WDR19: variants seen among roughly 807,000 people sequenced by gnomAD.
WDR19 encodes the protein WD repeat-containing protein 19.
WDR19 carries 121 observed loss-of-function variants against 180.0 expected under a neutral mutation model. The ratio of observed to expected loss-of-function variants is 0.67; its 90% CI spans 0.58 to 0.78. WDR19 has a LOEUF of 0.78. Ranked by LOEUF, WDR19 falls within the 30% of genes least tolerant of loss-of-function variation. WDR19 has a pLI of 0.00. For synonymous variants in WDR19, 497 were observed against 540.7 expected, an observed-to-expected ratio of 0.92 and a Z score of 1.12; for missense variants, 1,450 against 1,640.7, an observed-to-expected ratio of 0.88 and a Z score of 2.01.
Position 39,205,913 on chromosome 4 carries a change from A to G in WDR19, c.890+177A>G, listed in dbSNP as rs73133653. 4,297 of 618,250 alleles carry G rather than the reference A, an allele frequency of 7.0e-3. 148 individuals carry two copies. In the African/African-American group the frequency reaches 0.072, roughly 10 times the overall value. 38.3% of individuals were successfully genotyped at this position (618,250 alleles called of 1,614,324 possible). A position where few individuals can be genotyped will look rare whatever the true frequency, so the allele number is the denominator to read the frequency against. On this transcript the variant is annotated intron_variant, in intron 9 of 36. Transcript: ENST00000399820. ...AAAATATAAAACAAAGTATAGTTGA[A>G]AATCAATCTTAAAAATAAAATAGGT...
chr4:39,207,451 A>G, intron 9 of WDR19, among the ~76,000 whole-genome samples: 1 of 152,236 alleles, frequency 6.6e-6, no homozygotes, highest in Middle Eastern at 3.2e-3. Context: ...ATAAACCAGA[A>G]GAAATCTAGA....
chr4:39,269,382 G>T (rs746168654), intron 30 of WDR19, among the ~76,000 whole-genome samples: 15 of 152,182 alleles, frequency 9.9e-5, no homozygotes, highest in Non-Finnish European at 1.9e-4. Flanking sequence ...AGCATTCACA[G>T]TAGGCATGGG....
chr4:39,271,297 T>C (rs1735350357), intron 31 of WDR19, among the ~76,000 whole-genome samples: 1 of 152,262 alleles, frequency 6.6e-6, no homozygotes, highest in Non-Finnish European at 1.5e-5. Flanking sequence ...TAAATGCATG[T>C]TTTTTACCAA....
chr4:39,221,208 A>G (rs1307499246), intron 14 of WDR19, among the ~76,000 whole-genome samples: 1 of 152,160 alleles, frequency 6.6e-6, no homozygotes, highest in Non-Finnish European at 1.5e-5. Flanking sequence ...GTATGACACT[A>G]ATAGTTTATA....
chr4:39,237,116 A>G (rs1230824494), intron 20 of WDR19, among the ~76,000 whole-genome samples: 1 of 152,234 alleles, frequency 6.6e-6, no homozygotes, highest in Non-Finnish European at 1.5e-5. Context: ...ATGGAAAAAG[A>G]TTAGTCTTTA....
At chr4:39,226,130 T>C (rs1730225118) in intron 15 of WDR19, among the ~76,000 whole-genome samples, 1 of 143,300 alleles carries the variant, frequency 7.0e-6, no homozygotes, top group Non-Finnish European at 1.5e-5. Context: ...AGTTAGAAAC[T>C]GTGGCTTAGA....
chr4:39,285,157 T>C (rs1419297148), intron 36 of WDR19, among the ~76,000 whole-genome samples: 1 of 152,030 alleles, frequency 6.6e-6, no homozygotes, highest in African/African-American at 2.4e-5. Context: ...TTTAGACAAA[T>C]ATAACTGTTT....
chr4:39,192,464 T>TTTTGTTTG (rs958253963), intron 4 of WDR19, among the ~76,000 whole-genome samples: 1 of 151,800 alleles, frequency 6.6e-6, no homozygotes, highest in African/African-American at 2.4e-5. Context: ...CACAGTTGTT[T>TTTTGTTTG]TTTGTTTGTT....
At chr4:39,225,945 A>G (rs777824438) in intron 15 of WDR19, among the ~76,000 whole-genome samples, 1 of 152,148 alleles carries the variant, frequency 6.6e-6, no homozygotes, top group Non-Finnish European at 1.5e-5. Context: ...CTAATCTGCT[A>G]GTTCTTAGTC....
intron 5 of WDR19, among the ~76,000 whole-genome samples, chr4:39,198,997 CAAA>C (rs774671201): frequency 2.1e-4 from 18 of 87,434 alleles, no homozygotes; most frequent in Admixed American, 2.5e-4. Context: ...GACTCTGTCT[CAAA>C]AAAAAAAAAA....
At chr4:39,270,633 C>T (rs568424324) in intron 31 of WDR19, among the ~76,000 whole-genome samples, 1 of 152,306 alleles carries the variant, frequency 6.6e-6, no homozygotes, top group East Asian at 1.9e-4. Context: ...CCGCCTTGGC[C>T]TCCCAAAGTG....
intron 36 of WDR19, among the ~76,000 whole-genome samples, chr4:39,284,539 A>G (rs1736959900): frequency 6.9e-6 from 1 of 145,614 alleles, no homozygotes; most frequent in Admixed American, 7.2e-5. Context: ...GGGTCTCACT[A>G]TGTTGCCCAG....
chr4:39,211,987 T>C (rs866952003), intron 9 of WDR19, among the ~76,000 whole-genome samples: 1 of 116,822 alleles, frequency 8.6e-6, no homozygotes, highest in African/African-American at 3.3e-5. Flanking sequence ...GAGAGAGAGA[T>C]AGATAGATGT....
At chr4:39,207,160 C>A (rs1259363148) in intron 9 of WDR19, among the ~76,000 whole-genome samples, 1 of 151,974 alleles carries the variant, frequency 6.6e-6, no homozygotes, top group Non-Finnish European at 1.5e-5. Flanking sequence ...AAAGAAGAAC[C>A]AAATGGAAAT....
chr4:39,205,176 A>G lies in WDR19; in HGVS notation c.626A>G (p.Lys209Arg). The G allele has an allele frequency of 6.3e-7, 1 of 1,593,686 alleles. No homozygotes were observed. The highest frequency in any genetic ancestry group is 1.7e-4 in the Middle Eastern group (1 of 6,014). The part of the protein sequence containing the change: ...ESMISVVLGK[K>R]TLFFLNLNEP... ...CAGATAAGTGTGGTGCTTGGCAAGA[A>G]AACTTTGTTTTTTTTAAATCTGAAT... is the stretch of plus-strand genomic sequence containing the variant. Residue 209 changes from lysine to arginine, a missense_variant, in exon 8 of 37, where the codon AAA (lysine) becomes AGA (arginine). Lys to Arg is a conservative substitution (Grantham distance 26, BLOSUM62 2). Transcript: ENST00000399820.
At chr4:39,214,137 C>A (rs1728818706) in intron 9 of WDR19, among the ~76,000 whole-genome samples, 1 of 152,142 alleles carries the variant, frequency 6.6e-6, no homozygotes, top group African/African-American at 2.4e-5. Flanking sequence ...CAACCTGATC[C>A]TTCTGATCCA....
At position 39,232,285 on chromosome 4, in the gene WDR19, G is replaced by A; in HGVS notation, c.2253+13G>A. 1 of 1,579,956 alleles carries A rather than the reference G, an allele frequency of 6.3e-7. No homozygotes were observed. The highest frequency in any genetic ancestry group is 1.1e-5 in the South Asian group (1 of 87,156). ...TGCTGCCCTGGAGGTATGGCAGCAA[G>A]TAAGAATGGAAATTGTGTAAGAGGT... On this transcript the variant is annotated intron_variant, in intron 19 of 36. Transcript: ENST00000399820.
intron 5 of WDR19, among the ~76,000 whole-genome samples, chr4:39,197,204 G>A (rs1318080617): frequency 2.6e-5 from 4 of 152,124 alleles, no homozygotes; most frequent in East Asian, 1.9e-4. Flanking sequence ...CGAGGCAGGC[G>A]GGTCACTTGA....
chr4:39,186,677 A>G, intron 3 of WDR19, 73 bp downstream of exon 3: 13 of 1,027,820 alleles, frequency 1.3e-5, no homozygotes, highest in Non-Finnish European at 1.3e-5. Context: ...TACTGCCTTA[A>G]AATTATAATC....
Sources: gnomAD v4.1 joint callset for allele counts (sites outside exome capture counted in the v4.1 genomes callset) on GRCh38, gnomAD v4.1.1 for gene constraint, MANE v1.5 for transcripts, NCBI Gene and HGNC (gene_info 2026-07-23, HGNC 2026-07-21) for gene names.